The following MFN1 variants were observed in gnomAD, a reference collection of about 807,000 sequenced individuals.
MFN1 encodes mitofusin-1.
Under a neutral mutation model 92.4 loss-of-function variants are expected in MFN1, and 65 were observed. The observed-to-expected ratio is 0.70, with a 90% confidence interval of 0.58 to 0.86. MFN1 has a LOEUF of 0.86. Among genes scored for constraint, MFN1 ranks in the 40% least tolerant of loss-of-function variants. MFN1 has a pLI of 0.00. For missense variants in MFN1, 781 were observed against 868.0 expected, an observed-to-expected ratio of 0.90 and a Z score of 1.26; for synonymous variants, 297 against 300.9, an observed-to-expected ratio of 0.99 and a Z score of 0.13.
chr3:179,381,327 G>A (rs1401979994), intron 14 of MFN1, among the ~76,000 whole-genome samples: 1 of 152,194 alleles, frequency 6.6e-6, no homozygotes, highest in Non-Finnish European at 1.5e-5. Context: ...ATGCCGAGAG[G>A]ACCCACTTCT....
chr3:179,370,834 G>A (rs1231642586), intron 9 of MFN1, among the ~76,000 whole-genome samples: 1 of 152,130 alleles, frequency 6.6e-6, no homozygotes. Flanking sequence ...TTCAGTACTA[G>A]TTTAGTTTTT....
intron 8 of MFN1, 60 bp downstream of exon 8, chr3:179,367,652 C>G: frequency 7.1e-7 from 1 of 1,406,760 alleles, no homozygotes; most frequent in Non-Finnish European, 9.5e-7. Context: ...TGGCTGGGTG[C>G]GGTGGCTCAC....
rs1432656843 is a variant in MFN1, at chr3:179,347,714, C to T, written c.-104C>T. Reference sequence around the variant, plus strand: ...GGAAGTGACCGCCCTTTGCCACTCCCCCTGCCTCCTCTCCGCCTTTAACTT... The same window carrying T: ...GGAAGTGACCGCCCTTTGCCACTCCTCCTGCCTCCTCTCCGCCTTTAACTT... On this transcript the variant is annotated 5_prime_UTR_variant, in exon 1 of 18. Transcript: ENST00000471841. 1 of 152,330 alleles carries T rather than the reference C, an allele frequency of 6.6e-6. No homozygotes were observed. The highest frequency in any genetic ancestry group is 1.5e-5 in the Non-Finnish European group (1 of 68,100). 9.4% of individuals were successfully genotyped at this position (152,330 alleles called of 1,614,324 possible). A position where few individuals can be genotyped will look rare whatever the true frequency, so the allele number is the denominator to read the frequency against.
At chr3:179,374,776 G>T (rs1342858750) in intron 9 of MFN1, among the ~76,000 whole-genome samples, 2 of 152,050 alleles carry the variant, frequency 1.3e-5, no homozygotes, top group Non-Finnish European at 2.9e-5. Context: ...GTATCATTCA[G>T]CTATTAAATA....
At chr3:179,360,944 T>C (rs994369600) in intron 4 of MFN1, among the ~76,000 whole-genome samples, 1 of 152,108 alleles carries the variant, frequency 6.6e-6, no homozygotes, top group African/African-American at 2.4e-5. Flanking sequence ...AGCAATATAG[T>C]GAGACCCCAT....
intron 15 of MFN1, among the ~76,000 whole-genome samples, chr3:179,386,050 AG>A (rs1208836704): frequency 6.6e-6 from 1 of 152,218 alleles, no homozygotes; most frequent in Admixed American, 6.5e-5. Context: ...CTGAATATCA[AG>A]GGGATCTGTC....
chr3:179,383,548 A>G (rs1434635160), intron 14 of MFN1, among the ~76,000 whole-genome samples: 3 of 152,210 alleles, frequency 2.0e-5, no homozygotes, highest in Admixed American at 6.5e-5. Context: ...TGACTTGGCA[A>G]TGCGGGCTCT....
Position 179,378,341 on chromosome 3 carries a change from G to C in MFN1, c.1330G>C (p.Glu444Gln), listed in dbSNP as rs1028498131. Residue 444 changes from glutamate (E) to glutamine (Q), a missense_variant and splice_region_variant, in exon 13 of 18, where the codon GAA becomes CAA. Coordinates refer to ENST00000471841, the MANE Select transcript of MFN1 (RefSeq NM_033540.3). The stretch of plus-strand genomic sequence containing the variant: ...TATGGATATTTACCATTGTTAACAG[G>C]AATTAAATAAGCACATAGAGGATGG... The part of the protein sequence containing the change: ...NPDVLKIYKS[E>Q]LNKHIEDGMG... The C allele has an allele frequency of 6.3e-7, 1 of 1,580,660 alleles. No individual in the cohort carries two copies. The highest frequency in any genetic ancestry group is 8.6e-7 in the Non-Finnish European group (1 of 1,166,552).
rs774309739 is a variant in MFN1 at position 179,375,215 on chromosome 3, C to T, written c.976-5C>T. 5.0e-6 allele frequency: 8 copies of T among 1,608,842 alleles called. No homozygotes were observed. The highest frequency in any genetic ancestry group is 1.7e-5 in the Admixed American group (1 of 58,774). On this transcript the variant is annotated splice_region_variant and splice_polypyrimidine_tract_variant and intron_variant, in intron 9 of 17. Coordinates refer to ENST00000471841, the MANE Select transcript of MFN1 (RefSeq NM_033540.3). ...GTAATGTGTTACGGCTTGGGCCCCT[C>T]GCAGGAGTGTATCTCGCAGTCAGCA...
intron 7 of MFN1, 47 bp from the exon 8 acceptor site, chr3:179,367,392 T>C (rs760836625): frequency 1.9e-6 from 3 of 1,541,140 alleles, no homozygotes; most frequent in South Asian, 1.2e-5. Context: ...TTGGTTATTA[T>C]ATTTGTTTAA....
rs183696672 is a variant in MFN1 at position 179,373,170 on chromosome 3, C to T, written c.976-2050C>T. On this transcript the variant is annotated intron_variant, in intron 9 of 17. Coordinates refer to ENST00000471841, the MANE Select transcript of MFN1 (RefSeq NM_033540.3). ...TGACTAAATTAATTACCCTCATGTG[C>T]TCTATAGCTAAATAATCTGTTTTGT... Among the ~76,000 whole-genome samples, 3 of 152,276 alleles carry T rather than the reference C, an allele frequency of 2.0e-5. No individual in the cohort carries two copies. In the East Asian group the frequency reaches 5.8e-4, roughly 29 times the overall value.
At chr3:179,359,596 C>CTTTTTTTTTT (rs1167385875) in intron 4 of MFN1, 3 of 87,374 alleles carry the variant, frequency 3.4e-5, no homozygotes, top group African/African-American at 9.7e-5. Flanking sequence ...AATTTTCGTA[C>CTTTTTTTTTT]TTTTTTTTTT....
At chr3:179,387,772 A>G (rs1302240900) in intron 16 of MFN1, among the ~76,000 whole-genome samples, 1 of 139,816 alleles carries the variant, frequency 7.2e-6, no homozygotes, top group East Asian at 2.2e-4. Context: ...TCTGTCACCC[A>G]GGCTGGAGTG....
At position 179,393,983 on chromosome 3, in the gene MFN1, G is replaced by A. The variant is rs762538809; in HGVS notation, c.*1924G>A. The A allele has an allele frequency of 1.3e-5, 2 of 152,104 alleles. No homozygotes were observed. The highest frequency in any genetic ancestry group is 2.4e-5 in the African/African-American group (1 of 41,380). 9.4% of individuals were successfully genotyped at this position (152,104 alleles called of 1,614,324 possible). ...GTGATCCTCCCACATCAGCCTCCTG[G>A]GTGGCTGGGACTACAGGCACACGCC... On this transcript the variant is annotated 3_prime_UTR_variant, in exon 18 of 18. Coordinates refer to ENST00000471841, the MANE Select transcript of MFN1 (RefSeq NM_033540.3).
chr3:179,368,429 C>T (rs1205342612), intron 9 of MFN1, among the ~76,000 whole-genome samples: 4 of 152,098 alleles, frequency 2.6e-5, no homozygotes, highest in East Asian at 1.9e-4. Context: ...AGTAAACAAG[C>T]GTAATTGCTG....
At chr3:179,364,145 A>G (rs1174592661) in intron 5 of MFN1, 152 bp from the exon 6 acceptor site, 2 of 562,016 alleles carry the variant, frequency 3.6e-6, no homozygotes. Flanking sequence ...TTTGTCAAAG[A>G]TCACTAAGTT....
intron 9 of MFN1, among the ~76,000 whole-genome samples, chr3:179,370,957 T>C (rs1713000225): frequency 6.6e-6 from 1 of 152,254 alleles, no homozygotes; most frequent in Non-Finnish European, 1.5e-5. Context: ...TTTCTTGGTT[T>C]CTTTGTGTTG....
At chr3:179,384,287 T>A (rs1713585326) in intron 14 of MFN1, among the ~76,000 whole-genome samples, 1 of 152,244 alleles carries the variant, frequency 6.6e-6, no homozygotes, top group Non-Finnish European at 1.5e-5. Flanking sequence ...AATATTCATG[T>A]ACATGTTTTT....
chr3:179,366,092 T>G (rs1021664136), intron 7 of MFN1, among the ~76,000 whole-genome samples: 7 of 152,210 alleles, frequency 4.6e-5, no homozygotes, highest in Non-Finnish European at 7.3e-5. Context: ...TACTTTTTTT[T>G]TGTTACAATT....
Sources: gnomAD v4.1 joint callset for allele counts (sites outside exome capture counted in the v4.1 genomes callset) on GRCh38, gnomAD v4.1.1 for gene constraint, MANE v1.5 for transcripts, NCBI Gene and HGNC (gene_info 2026-07-23, HGNC 2026-07-21) for gene names.